The following ZNF362 variants were observed in gnomAD, a reference collection of about 807,000 sequenced individuals.
ZNF362 encodes the protein zinc finger protein 362.
In ZNF362, 11 loss-of-function variants were observed where a neutral mutation model predicts 42.9. The observed-to-expected ratio is 0.26, with a 90% CI of 0.16 to 0.42. The LOEUF (loss-of-function observed/expected upper bound fraction) is 0.42. ZNF362 is among the 20% of genes least tolerant of loss of function. The pLI, the probability that ZNF362 is intolerant of heterozygous loss-of-function variation, is 1.00. For synonymous variants in ZNF362, 255 were observed against 257.3 expected (o/e 0.99, Z 0.09); for missense variants, 362 against 576.2 (o/e 0.63, Z 3.81).
chr1:33,269,104 A>G (rs1645884176), intron 1 of ZNF362, among the ~76,000 whole-genome samples: 1 of 151,662 alleles, frequency 6.6e-6, no homozygotes, highest in Non-Finnish European at 1.5e-5. Context: ...CCTGACACCC[A>G]CCCTCCAAGT....
Position 33,275,956 on chromosome 1 carries a change from G to A in ZNF362, c.39-144G>A, listed in dbSNP as rs909172389. ...ATGTGGCTTCCTGGCCTGGTGGGAG[G>A]CCTGCTGTGCTGTGAGGCTGGGGGA... On this transcript the variant is annotated intron_variant, in intron 2 of 8. Transcript: ENST00000539719. The A allele has an allele frequency of 7.6e-6, 6 of 793,940 alleles. No homozygotes were observed. In the African/African-American group the frequency reaches 1.0e-4, roughly 14 times the overall value. The allele number at this position is 793,940 out of a possible 1,614,324, so 49.2% of individuals were successfully genotyped here. A position where few individuals can be genotyped will look rare whatever the true frequency, so the allele number is the denominator to read the frequency against.
chr1:33,187,228 G>T, the ZNF362 span, among the ~76,000 whole-genome samples: 16 of 152,320 alleles, frequency 1.1e-4, no homozygotes, highest in African/African-American at 3.8e-4. Context: ...TGTACAGTCA[G>T]CTCTCTGTAG....
chr1:33,256,773 G>C (rs1363627930), intron 1 of ZNF362, 119 bp downstream of exon 1: 1 of 145,986 alleles, frequency 6.8e-6, no homozygotes, highest in Non-Finnish European at 1.5e-5. Flanking sequence ...CTGTCAGCGC[G>C]GGCCGGGGCG....
At chr1:33,213,320 A>G in the ZNF362 span, among the ~76,000 whole-genome samples, 1 of 152,110 alleles carries the variant, frequency 6.6e-6, no homozygotes, top group African/African-American at 2.4e-5. Context: ...AATCACGGCG[A>G]TGATTTCACA....
chr1:33,161,507 G>A, the ZNF362 span, among the ~76,000 whole-genome samples: 3 of 152,154 alleles, frequency 2.0e-5, no homozygotes, highest in Admixed American at 6.5e-5. This position sits in a 1 kb window ranked among gnomAD's most constrained non-coding sequence, Gnocchi z 4.3. Flanking sequence ...CCTCCCCGAC[G>A]CGCGGCTGCT....
chr1:33,292,940 C>T (rs544865546), intron 6 of ZNF362, among the ~76,000 whole-genome samples: 159 of 152,310 alleles, frequency 1.0e-3, no homozygotes, highest in African/African-American at 3.7e-3. Context: ...CAGAAATGTG[C>T]AGGGGTGCTC....
At chr1:33,272,386 G>A (rs1226737960) in intron 2 of ZNF362, among the ~76,000 whole-genome samples, 1 of 152,142 alleles carries the variant, frequency 6.6e-6, no homozygotes, top group African/African-American at 2.4e-5. Flanking sequence ...TTGGCCCAGA[G>A]GATTTGTCCA....
chr1:33,277,948 T>C (rs1645963843), intron 4 of ZNF362, among the ~76,000 whole-genome samples: 1 of 152,174 alleles, frequency 6.6e-6, no homozygotes, highest in Non-Finnish European at 1.5e-5. Context: ...CCCCTGCTGC[T>C]AGGCAGGTGC....
the ZNF362 span, among the ~76,000 whole-genome samples, chr1:33,197,982 A>G: frequency 6.6e-6 from 1 of 152,238 alleles, no homozygotes; most frequent in Admixed American, 6.5e-5. Flanking sequence ...TAACAAGGGA[A>G]TTTAACTCTT....
intron 4 of ZNF362, among the ~76,000 whole-genome samples, chr1:33,277,028 C>T (rs569115710): frequency 3.7e-4 from 56 of 152,312 alleles, no homozygotes; most frequent in African/African-American, 1.3e-3. Context: ...ACCGCACAGG[C>T]GGAGGGAGTA....
At chr1:33,205,099 T>C in the ZNF362 span, among the ~76,000 whole-genome samples, 3 of 152,158 alleles carry the variant, frequency 2.0e-5, no homozygotes, top group African/African-American at 7.2e-5. Context: ...TTCATCTATA[T>C]ATTTAAGAGA....
chr1:33,187,219 G>A, the ZNF362 span, among the ~76,000 whole-genome samples: 4 of 152,188 alleles, frequency 2.6e-5, no homozygotes, highest in African/African-American at 9.7e-5. Flanking sequence ...ACTGTGATGT[G>A]TACAGTCAGC....
At chr1:33,183,967 C>T in the ZNF362 span, among the ~76,000 whole-genome samples, 20 of 150,924 alleles carry the variant, frequency 1.3e-4, no homozygotes, top group Admixed American at 7.9e-4. Flanking sequence ...GATATACTGA[C>T]GTGCACCCCT....
chr1:33,193,842 A>G, the ZNF362 span, among the ~76,000 whole-genome samples: 7 of 152,192 alleles, frequency 4.6e-5, no homozygotes, highest in Non-Finnish European at 1.0e-4. Context: ...TAACTAAAAA[A>G]CGGAGGCATA....
At chr1:33,188,401 T>C in the ZNF362 span, among the ~76,000 whole-genome samples, 3 of 152,142 alleles carry the variant, frequency 2.0e-5, no homozygotes, top group Non-Finnish European at 2.9e-5. Context: ...GTGCTCACTT[T>C]CTCCATGGCC....
the ZNF362 span, chr1:33,158,392 G>A: frequency 6.2e-7 from 1 of 1,602,588 alleles, no homozygotes; most frequent in South Asian, 1.1e-5. Context: ...AGGAAAGGGG[G>A]CTGCACCAGG....
chr1:33,152,573 GAAA>G, the ZNF362 span, among the ~76,000 whole-genome samples: 2 of 102,818 alleles, frequency 1.9e-5, no homozygotes, highest in South Asian at 5.8e-4. Context: ...GTCTCAAAAA[GAAA>G]AAAAAAAAAA....
At chr1:33,200,923 A>C in the ZNF362 span, among the ~76,000 whole-genome samples, 1 of 152,206 alleles carries the variant, frequency 6.6e-6, no homozygotes, top group African/African-American at 2.4e-5. Context: ...GAATTTGGAC[A>C]CAGACAAGGT....
At chr1:33,249,576 G>A in the ZNF362 span, among the ~76,000 whole-genome samples, 3 of 152,104 alleles carry the variant, frequency 2.0e-5, no homozygotes, top group African/African-American at 4.8e-5. Context: ...CCAAGAAAGT[G>A]GAAAGGAGAG....
Sources: allele counts gnomAD v4.1 joint callset (sites outside exome capture counted in the v4.1 genomes callset), GRCh38; gene constraint gnomAD v4.1.1; non-coding constraint Gnocchi (gnomAD v3.1); transcripts MANE v1.5; gene names NCBI Gene and HGNC (gene_info 2026-07-23, HGNC 2026-07-21).